The following TRPM3 variants were observed in gnomAD, a reference collection of about 807,000 sequenced individuals.
TRPM3 encodes transient receptor potential cation channel subfamily M member 3.
In TRPM3, 77 loss-of-function variants were observed where a neutral mutation model predicts 181.2. That is an observed-to-expected ratio of 0.42 (90% CI 0.35 to 0.51). The LOEUF is 0.51. TRPM3 is among the 20% of genes least tolerant of loss of function. The probability of loss-of-function intolerance (pLI) is 0.01; values close to 1 mark genes in which losing one functional copy is unlikely to be tolerated. For synonymous variants in TRPM3, 745 were observed against 796.4 expected (o/e 0.94, Z 1.09); for missense variants, 1,759 against 2,196.7 (o/e 0.80, Z 3.98).
At chr9:70,781,731 T>A (rs2082507518) in intron 7 of TRPM3, among the ~76,000 whole-genome samples, 1 of 152,078 alleles carries the variant, frequency 6.6e-6, no homozygotes, top group African/African-American at 2.4e-5. Flanking sequence ...AATCTTAATT[T>A]AAATAATAAT....
At chr9:70,821,555 T>C (rs1335493493) in intron 6 of TRPM3, among the ~76,000 whole-genome samples, 6 of 152,234 alleles carry the variant, frequency 3.9e-5, no homozygotes, top group African/African-American at 1.4e-4. Context: ...GTCGAACTTA[T>C]ATAAATATCT....
intron 9 of TRPM3, among the ~76,000 whole-genome samples, chr9:70,662,339 A>T (rs2061249818): frequency 1.3e-5 from 2 of 152,208 alleles, no homozygotes; most frequent in South Asian, 4.1e-4. Context: ...AACATCAAAA[A>T]TACTCTTCTG....
At chr9:71,206,778 G>C (rs1268145249) in intron 1 of TRPM3, among the ~76,000 whole-genome samples, 1 of 152,008 alleles carries the variant, frequency 6.6e-6, no homozygotes, top group Non-Finnish European at 1.5e-5. Context: ...AGTAAGGAAG[G>C]GGTCCAGTTT....
intron 1 of TRPM3, among the ~76,000 whole-genome samples, chr9:71,216,816 T>C (rs2079896346): frequency 6.6e-6 from 1 of 151,938 alleles, no homozygotes; most frequent in South Asian, 2.1e-4. Flanking sequence ...CATAATAGAA[T>C]CATCCCTAGG....
At chr9:70,960,062 T>C (rs2097121977) in intron 1 of TRPM3, among the ~76,000 whole-genome samples, 1 of 152,150 alleles carries the variant, frequency 6.6e-6, no homozygotes, top group Non-Finnish European at 1.5e-5. Flanking sequence ...TGCGTGTTTG[T>C]GGGAACTCCC....
Position 71,351,870 on chromosome 9 carries a change from G to GTTTTTTTTTTTTTTTTTTTTT in TRPM3, c.183+94782_183+94783insAAAAAAAAAAAAAAAAAAAAA, listed in dbSNP as rs1398031517. ...ATGGGAAGTTTTTGTTTGTTTGTTT[G>GTTTTTTTTTTTTTTTTTTTTT]TTTTTGTTTTTTTTTTTTTTTTTGA... On this transcript the variant is annotated intron_variant, in intron 1 of 24. Transcript: ENST00000357533. 4.2e-5 allele frequency among the ~76,000 whole-genome samples: 4 copies of GTTTTTTTTTTTTTTTTTTTTT among 95,660 alleles called. 1 individual carries two copies. Among genetic ancestry groups the GTTTTTTTTTTTTTTTTTTTTT allele is most frequent in the Non-Finnish European group, 6.4e-5 (3 of 46,778 alleles). 62.8% of individuals were successfully genotyped at this position (95,660 alleles called of 152,430 possible). A position where few individuals can be genotyped will look rare whatever the true frequency, so the allele number is the denominator to read the frequency against.
chr9:71,145,851 C>A (rs187928270), intron 1 of TRPM3, among the ~76,000 whole-genome samples: 5 of 151,616 alleles, frequency 3.3e-5, no homozygotes, highest in African/African-American at 1.2e-4. Context: ...TTCCAAAGTA[C>A]AAAATTAAAC....
At chr9:71,188,872 T>C (rs1444411041) in intron 1 of TRPM3, among the ~76,000 whole-genome samples, 1 of 151,954 alleles carries the variant, frequency 6.6e-6, no homozygotes, top group Non-Finnish European at 1.5e-5. Flanking sequence ...AGAGGATGTA[T>C]ATAAAGTAAT....
intron 1 of TRPM3, among the ~76,000 whole-genome samples, chr9:71,412,714 G>A (rs1214829446): frequency 2.0e-5 from 3 of 152,154 alleles, no homozygotes; most frequent in Non-Finnish European, 2.9e-5. Flanking sequence ...TCTAGAACTA[G>A]AAATACCATT....
intron 7 of TRPM3, chr9:70,776,362 C>T (rs1404027009): frequency 4.5e-6 from 3 of 671,050 alleles, no homozygotes; most frequent in Non-Finnish European, 8.2e-6. Context: ...ATGCTGGCCC[C>T]TGGAACCCTG....
chr9:71,284,152 G>T (rs1348121796), intron 1 of TRPM3, among the ~76,000 whole-genome samples: 1 of 152,148 alleles, frequency 6.6e-6, no homozygotes. Context: ...TATATGGAAA[G>T]TACATGCACT....
At chr9:71,232,768 G>T (rs2081140253) in intron 1 of TRPM3, among the ~76,000 whole-genome samples, 1 of 152,014 alleles carries the variant, frequency 6.6e-6, no homozygotes, top group South Asian at 2.1e-4. Flanking sequence ...AAAGTGCTAG[G>T]ATTACAGGAG....
chr9:71,214,920 T>C (rs965538794), intron 1 of TRPM3, among the ~76,000 whole-genome samples: 8 of 151,848 alleles, frequency 5.3e-5, no homozygotes, highest in African/African-American at 1.9e-4. Flanking sequence ...CTTTTCCAGG[T>C]AAATTCTGCT....
At chr9:70,664,886 G>C (rs902459061) in intron 9 of TRPM3, among the ~76,000 whole-genome samples, 2 of 152,032 alleles carry the variant, frequency 1.3e-5, no homozygotes, top group African/African-American at 4.8e-5. Flanking sequence ...CTGACCTCAA[G>C]TGATCCACCC....
At position 71,348,302 on chromosome 9, in the gene TRPM3, T is replaced by C. The variant is rs933220624; in HGVS notation, c.183+98351A>G. Among the ~76,000 whole-genome samples, 8 of 152,056 alleles carry C rather than the reference T, an allele frequency of 5.3e-5. No homozygotes were observed. In the East Asian group the frequency reaches 1.5e-3, roughly 29 times the overall value. On this transcript the variant is annotated intron_variant, in intron 1 of 24. Coordinates refer to the TRPM3 transcript ENST00000357533. ...TGAACAGTTGCTACAGCTACTAGTC[T>C]TTAAATTTTTTGTGATTGAATATCT...
At chr9:71,048,761 A>G (rs1215159979) in intron 1 of TRPM3, among the ~76,000 whole-genome samples, 2 of 152,214 alleles carry the variant, frequency 1.3e-5, no homozygotes, top group Non-Finnish European at 1.5e-5. Context: ...ACATCAGGTG[A>G]GTGAAAAGCA....
chr9:70,946,098 A>C (rs2096929380), intron 1 of TRPM3, among the ~76,000 whole-genome samples: 1 of 152,044 alleles, frequency 6.6e-6, no homozygotes, highest in Non-Finnish European at 1.5e-5. Flanking sequence ...TCAACTCTTG[A>C]TGTGTTATTA....
chr9:70,964,930 A>G (rs138263536), intron 1 of TRPM3, among the ~76,000 whole-genome samples: 120 of 152,056 alleles, frequency 7.9e-4, no homozygotes, highest in Non-Finnish European at 1.7e-3. Flanking sequence ...AATGTGCACC[A>G]TATTTAGCTT....
intron 1 of TRPM3, among the ~76,000 whole-genome samples, chr9:71,102,735 T>A (rs1485753093): frequency 6.6e-6 from 1 of 152,224 alleles, no homozygotes; most frequent in East Asian, 1.9e-4. Flanking sequence ...ATATCTGGTA[T>A]GTTCTTCTAC....
Sources: gnomAD v4.1 joint callset for allele counts (sites outside exome capture counted in the v4.1 genomes callset) on GRCh38, gnomAD v4.1.1 for gene constraint, MANE v1.5 for transcripts, NCBI Gene and HGNC (gene_info 2026-07-23, HGNC 2026-07-21) for gene names.